Variants in PLCB4 observed in about 807,000 individuals in gnomAD.
PLCB4 encodes the protein 1-phosphatidylinositol 4,5-bisphosphate phosphodiesterase beta-4.
PLCB4 carries 77 observed loss-of-function variants against 178.8 expected under a neutral mutation model. The observed-to-expected ratio is 0.43, with a 90% CI of 0.36 to 0.52. The LOEUF (loss-of-function observed/expected upper bound fraction) is 0.52, where lower values mean the gene tolerates loss of function less well. PLCB4 is among the 20% of genes least tolerant of loss of function. The probability of loss-of-function intolerance (pLI) is 0.00; values close to 1 mark genes in which losing one functional copy is unlikely to be tolerated. For missense variants in PLCB4, 1,024 were observed against 1,453.4 expected (o/e 0.70, Z 4.80); for synonymous variants, 496 against 490.8 (o/e 1.01, Z -0.14).
intron 18 of PLCB4, 46 bp downstream of exon 18, chr20:9,393,724 G>A (rs2038340872): frequency 5.0e-6 from 6 of 1,202,254 alleles, no homozygotes; most frequent in African/African-American, 1.5e-5. Context: ...CATAACATGT[G>A]TGGACATTTC....
intron 7 of PLCB4, among the ~76,000 whole-genome samples, chr20:9,362,687 G>A (rs1250724682): frequency 2.0e-5 from 3 of 152,148 alleles, no homozygotes; most frequent in African/African-American, 7.2e-5. Context: ...ACAATAGATG[G>A]CACATTTGTC....
chr20:9,317,261 T>C (rs2094909324), intron 4 of PLCB4, among the ~76,000 whole-genome samples: 1 of 152,254 alleles, frequency 6.6e-6, no homozygotes, highest in African/African-American at 2.4e-5. Flanking sequence ...TACTGTGTTG[T>C]ATTTTTAATT....
chr20:9,285,809 C>G (rs2094531527), intron 3 of PLCB4, among the ~76,000 whole-genome samples: 1 of 152,012 alleles, frequency 6.6e-6, no homozygotes, highest in African/African-American at 2.4e-5. Flanking sequence ...AGCAAGTGAA[C>G]AGCCAGACCA....
intron 36 of PLCB4, among the ~76,000 whole-genome samples, chr20:9,470,027 C>A (rs186502190): frequency 8.1e-4 from 123 of 152,218 alleles, no homozygotes; most frequent in African/African-American, 2.5e-3. Flanking sequence ...CAAAGTCCAA[C>A]AGAGAAAAGC....
chr20:9,376,581 G>A (rs2036694291), intron 12 of PLCB4, among the ~76,000 whole-genome samples: 4 of 152,140 alleles, frequency 2.6e-5, no homozygotes, highest in Admixed American at 6.5e-5. Context: ...GAGCTGCCAC[G>A]TGGTGAGACA....
intron 38 of PLCB4, among the ~76,000 whole-genome samples, chr20:9,474,706 C>CT (rs552914437): frequency 0.01 from 1,394 of 139,232 alleles, 25 homozygotes; most frequent in African/African-American, 0.034. Context: ...AAAATAAAAT[C>CT]TTTTTTGTAT....
At chr20:9,159,239 C>T (rs772933744) in intron 2 of PLCB4, among the ~76,000 whole-genome samples, 4 of 152,074 alleles carry the variant, frequency 2.6e-5, no homozygotes, top group Non-Finnish European at 5.9e-5. Flanking sequence ...AGAAAATGGC[C>T]TTAAATTGAT....
intron 3 of PLCB4, among the ~76,000 whole-genome samples, chr20:9,219,867 G>A (rs903724401): frequency 2.2e-4 from 34 of 152,170 alleles, no homozygotes; most frequent in African/African-American, 7.2e-4. Context: ...ACTTCCAACG[G>A]TGAGCAGCTC....
intron 28 of PLCB4, among the ~76,000 whole-genome samples, chr20:9,431,517 G>A (rs1282405476): frequency 6.6e-6 from 1 of 151,876 alleles, no homozygotes. Flanking sequence ...CCAGGCTGCA[G>A]TGCAGTGGCA....
At chr20:9,452,013 C>A (rs769403357) in intron 32 of PLCB4, among the ~76,000 whole-genome samples, 1 of 149,682 alleles carries the variant, frequency 6.7e-6, no homozygotes, top group African/African-American at 2.6e-5. Context: ...AAGCCCAGAT[C>A]CACAGCAAGC....
chr20:9,391,215 TA>T (rs1443997776), intron 17 of PLCB4, among the ~76,000 whole-genome samples: 1 of 152,206 alleles, frequency 6.6e-6, no homozygotes, highest in East Asian at 1.9e-4. Flanking sequence ...CAAAGAACAT[TA>T]ACCTGTGCTC....
chr20:9,459,908 T>C, intron 35 of PLCB4, 98 bp downstream of exon 35: 2 of 732,226 alleles, frequency 2.7e-6, no homozygotes, highest in South Asian at 1.8e-5. Context: ...TGAAATCAAT[T>C]TGACGTACAA....
At position 9,437,043 on chromosome 20, in the gene PLCB4, C is replaced by T; in HGVS notation, c.2655C>T (p.Asp885=). The T allele has an allele frequency of 6.2e-7, 1 of 1,613,940 alleles. No homozygotes were observed. Among genetic ancestry groups the T allele is most frequent in the Non-Finnish European group, 8.5e-7 (1 of 1,179,934 alleles). Residue 885 remains aspartate, a synonymous_variant, in exon 30 of 40, where the codon GAC becomes GAT. Coordinates refer to ENST00000378473, the MANE Select transcript of PLCB4 (RefSeq NM_001377142.1). ...ADVPSDTSKN[D]KKGKANTAKA... is the part of the protein sequence containing the mutation. The stretch of plus-strand genomic sequence containing the variant: ...TGCCCAGTGACACTTCCAAAAATGA[C>T]AAGAAAGGAAAGGCCAACACCGCCA...
At chr20:9,372,659 G>C (rs918190381) in intron 11 of PLCB4, among the ~76,000 whole-genome samples, 11 of 151,856 alleles carry the variant, frequency 7.2e-5, no homozygotes, top group Non-Finnish European at 1.3e-4. Context: ...ATTTTAACCT[G>C]CTCCTTTAGG....
chr20:9,318,604 G>A (rs2094926339), intron 4 of PLCB4, among the ~76,000 whole-genome samples: 1 of 152,172 alleles, frequency 6.6e-6, no homozygotes, highest in Admixed American at 6.6e-5. Context: ...AGAAGTGGTT[G>A]GTTTTTGGGC....
chr20:9,195,386 A>T (rs1348926791), intron 2 of PLCB4, among the ~76,000 whole-genome samples: 1 of 152,166 alleles, frequency 6.6e-6, no homozygotes, highest in Non-Finnish European at 1.5e-5. Flanking sequence ...GGGTTGCTCG[A>T]TAGTTGGTAA....
At chr20:9,468,061 T>TA (rs1472511798) in intron 35 of PLCB4, among the ~76,000 whole-genome samples, 1 of 152,162 alleles carries the variant, frequency 6.6e-6, no homozygotes, top group African/African-American at 2.4e-5. Flanking sequence ...CCGTTTGTGA[T>TA]GGTTAGAACA....
chr20:9,460,086 C>A (rs1378038992), intron 35 of PLCB4, among the ~76,000 whole-genome samples: 2 of 152,136 alleles, frequency 1.3e-5, no homozygotes, highest in Non-Finnish European at 2.9e-5. Flanking sequence ...CATAGCAAGA[C>A]CCCATCTCTA....
intron 35 of PLCB4, among the ~76,000 whole-genome samples, chr20:9,467,593 G>T (rs985859582): frequency 6.6e-6 from 1 of 152,144 alleles, no homozygotes; most frequent in East Asian, 1.9e-4. Context: ...TGTCAGCAAC[G>T]TTTGGTCATT....
Sources: gnomAD v4.1 joint callset for allele counts (sites outside exome capture counted in the v4.1 genomes callset) on GRCh38, gnomAD v4.1.1 for gene constraint, MANE v1.5 for transcripts, NCBI Gene and HGNC (gene_info 2026-07-23, HGNC 2026-07-21) for gene names.